Variants in WDR33 observed in about 807,000 individuals in gnomAD.
WDR33 encodes the protein pre-mRNA 3' end processing protein WDR33.
A neutral mutation model predicts 164.9 loss-of-function variants in WDR33; 47 were observed. That is an observed-to-expected ratio of 0.29 (90% confidence interval 0.23 to 0.36). WDR33 has a LOEUF of 0.36. WDR33 is among the 10% of genes least tolerant of loss of function. The pLI, the probability that WDR33 is intolerant of heterozygous loss-of-function variation, is 1.00. For missense variants in WDR33, 1,137 were observed against 1,754.1 expected (o/e 0.65, Z 6.28); for synonymous variants, 505 against 589.0 (o/e 0.86, Z 2.06).
At chr2:127,753,071 C>A (rs931632522) in intron 7 of WDR33, among the ~76,000 whole-genome samples, 4 of 152,288 alleles carry the variant, frequency 2.6e-5, no homozygotes, top group African/African-American at 9.6e-5. Flanking sequence ...GGATTACAGG[C>A]ATGTGCCACC....
chr2:127,788,515 T>TG (rs1244945466), intron 1 of WDR33, among the ~76,000 whole-genome samples: 1 of 60,346 alleles, frequency 1.7e-5, no homozygotes, highest in Non-Finnish European at 3.1e-5. Context: ...GCTGGCCGGG[T>TG]GGGGGGGCTG....
At chr2:127,772,545 G>A in intron 1 of WDR33, among the ~76,000 whole-genome samples, 1 of 151,848 alleles carries the variant, frequency 6.6e-6, no homozygotes, top group Admixed American at 6.6e-5. Context: ...TTTGACTTTT[G>A]TTCTTTTAAA....
At chr2:127,773,003 G>C (rs552265900) in intron 1 of WDR33, among the ~76,000 whole-genome samples, 69 of 151,976 alleles carry the variant, frequency 4.5e-4, no homozygotes, top group Non-Finnish European at 7.4e-5. Context: ...CAGTGTGCTG[G>C]TGCGCACCTG....
rs1380644846 is a variant in WDR33, at chr2:127,764,763, T to C, written c.626+65A>G. 6.2e-7 allele frequency: 1 copy of C among 1,614,200 alleles called. No individual in the cohort carries two copies. The highest frequency in any genetic ancestry group is 8.5e-7 in the Non-Finnish European group (1 of 1,180,022). ...AGCCCATGCATCTCTGCACCCAGAA[T>C]ACACTTAGAGAATAATTTAACCATG... is the stretch of plus-strand genomic sequence containing the variant. On this transcript the variant is annotated intron_variant, in intron 6 of 21. Transcript: ENST00000322313. The surrounding 1 kb of genome is among the most constrained non-coding windows in gnomAD (Gnocchi z 6.2).
At chr2:127,804,024 G>A (rs1299048020) in intron 1 of WDR33, among the ~76,000 whole-genome samples, 5 of 151,190 alleles carry the variant, frequency 3.3e-5, no homozygotes, top group South Asian at 2.1e-4. Flanking sequence ...AAAGAGATAC[G>A]AAATATCTAG....
intron 7 of WDR33, among the ~76,000 whole-genome samples, chr2:127,739,554 G>A (rs931825489): frequency 8.5e-5 from 13 of 152,170 alleles, no homozygotes; most frequent in Non-Finnish European, 1.2e-4. Flanking sequence ...TACTAGTTAC[G>A]TCCTTAAGTA....
chr2:127,763,736 T>G lies in WDR33; in HGVS notation c.627-577A>C. On this transcript the variant is annotated intron_variant, in intron 6 of 21. Coordinates refer to ENST00000322313, the MANE Select transcript of WDR33 (RefSeq NM_018383.5). This position sits in a 1 kb window ranked among gnomAD's most constrained non-coding sequence, Gnocchi z 4.5. ...GAATGTTGCACCTTTGAGGAAAACT[T>G]TAAAATAAGGACATTCAGACTTGTG... 1 of 985,586 alleles carries G rather than the reference T, an allele frequency of 1.0e-6. No homozygotes were observed. The highest frequency in any genetic ancestry group is 1.2e-6 in the Non-Finnish European group (1 of 830,068). The allele number at this position is 985,586 out of a possible 1,614,324, so 61.1% of individuals were successfully genotyped here.
chr2:127,766,678 A>T (rs987927465), intron 4 of WDR33, among the ~76,000 whole-genome samples: 2 of 152,204 alleles, frequency 1.3e-5, no homozygotes, highest in African/African-American at 4.8e-5. Context: ...AGAGGATATT[A>T]AAATTAGCTG....
intron 2 of WDR33, among the ~76,000 whole-genome samples, chr2:127,769,304 A>G (rs1687921259): frequency 6.6e-6 from 1 of 152,098 alleles, no homozygotes; most frequent in South Asian, 2.1e-4. Flanking sequence ...CCTGGCCAAC[A>G]TGGTGAAACC....
chr2:127,774,356 A>G (rs995621697), intron 1 of WDR33, among the ~76,000 whole-genome samples: 2 of 152,066 alleles, frequency 1.3e-5, no homozygotes, highest in African/African-American at 4.8e-5. Context: ...CTGGCCCAAA[A>G]GCATATTTTA....
At chr2:127,807,303 GC>G (rs1009049820) in intron 1 of WDR33, among the ~76,000 whole-genome samples, 3 of 152,152 alleles carry the variant, frequency 2.0e-5, no homozygotes, top group African/African-American at 7.2e-5. Context: ...ACTGCACCTG[GC>G]TTGAAATTTC....
chr2:127,759,505 A>C (rs1687616238), intron 7 of WDR33, among the ~76,000 whole-genome samples: 1 of 152,110 alleles, frequency 6.6e-6, no homozygotes, highest in African/African-American at 2.4e-5. Flanking sequence ...AGCCTGGTCA[A>C]CATGGTGAAA....
chr2:127,765,977 C>CT (rs879624847), intron 4 of WDR33, among the ~76,000 whole-genome samples: 13 of 151,954 alleles, frequency 8.6e-5, no homozygotes, highest in Admixed American at 2.0e-4. Flanking sequence ...ATGCCAATAA[C>CT]TTTTTTTGCA....
In WDR33 at chr2:127,723,069, C is replaced by A; in HGVS notation, c.1292-25G>T. 2 of 1,567,412 alleles carry A rather than the reference C, an allele frequency of 1.3e-6. No individual in the cohort carries two copies. Among genetic ancestry groups the A allele is most frequent in the South Asian group, 2.4e-5 (2 of 83,930 alleles). On this transcript the variant is annotated intron_variant, in intron 12 of 21. Transcript: ENST00000322313. The surrounding 1 kb of genome is among the most constrained non-coding windows in gnomAD (Gnocchi z 5.9). ...TCTATAAATAGTAATACACCATTGT[C>A]AATAGAGAATTTACAAAAGTAGCGA...
intron 1 of WDR33, among the ~76,000 whole-genome samples, chr2:127,782,345 T>A (rs1024607107): frequency 6.6e-6 from 1 of 151,838 alleles, no homozygotes; most frequent in Non-Finnish European, 1.5e-5. Flanking sequence ...GAGGCAGGGG[T>A]TGCGGCGAGC....
At chr2:127,762,337 T>C (rs1687702043) in intron 7 of WDR33, 1 of 209,880 alleles carries the variant, frequency 4.8e-6, no homozygotes, top group Admixed American at 6.5e-5. Flanking sequence ...GTGATGTTTG[T>C]ATTGCATATA....
chr2:127,720,101 G>A lies in WDR33; in HGVS notation c.1924C>T (p.Leu642=). The change falls in exon 16 of 22, where the codon CTG becomes TTG. Residue 642 remains leucine (L), a synonymous_variant. Coordinates refer to ENST00000322313, the MANE Select transcript of WDR33 (RefSeq NM_018383.5). This position sits in a 1 kb window ranked among gnomAD's most constrained non-coding sequence, Gnocchi z 5.9. ...QGQMGPQGPP[L]HQGGGGPQGF... ...TGTGGCCCCCCACCTCCCTGATGCA[G>A]TGGAGGACCTTGTGGTCCCATTTGT... 1 of 1,614,152 alleles carries A rather than the reference G, an allele frequency of 6.2e-7. No individual in the cohort carries two copies. Among genetic ancestry groups the A allele is most frequent in the Non-Finnish European group, 8.5e-7 (1 of 1,180,020 alleles).
intron 7 of WDR33, among the ~76,000 whole-genome samples, chr2:127,759,678 A>C (rs1573924001): frequency 6.6e-6 from 1 of 152,154 alleles, no homozygotes; most frequent in East Asian, 1.9e-4. Context: ...GCAACAGAGG[A>C]AGACTTGGTC....
chr2:127,768,208 CACTTT>C lies in WDR33; in HGVS notation c.354_358del (p.Lys119SerfsTer6), dbSNP rs1241486657. The C allele has an allele frequency of 2.5e-6, 4 of 1,575,988 alleles. No individual in the cohort carries two copies. Among genetic ancestry groups the C allele is most frequent in the Non-Finnish European group, 3.5e-6 (4 of 1,157,950 alleles). ...ACTTACCCTAACAACAAATACAGGA[CACTTT>C]ACTTTATTTGTTGATGTCCGAACAA... is the stretch of plus-strand genomic sequence containing the variant. On this transcript the variant is annotated frameshift_variant, in exon 4 of 22. Coordinates refer to ENST00000322313, the MANE Select transcript of WDR33 (RefSeq NM_018383.5). LOFTEE classifies it high-confidence loss of function.
Sources: allele counts gnomAD v4.1 joint callset (sites outside exome capture counted in the v4.1 genomes callset), GRCh38; gene constraint gnomAD v4.1.1; non-coding constraint Gnocchi (gnomAD v3.1); transcripts MANE v1.5; gene names NCBI Gene and HGNC (gene_info 2026-07-23, HGNC 2026-07-21).